The following HELQ variants were observed in gnomAD, a reference collection of about 807,000 sequenced individuals.
HELQ encodes helicase POLQ-like.
HELQ carries 77 observed loss-of-function variants against 111.6 expected under a neutral mutation model. The ratio of observed to expected loss-of-function variants is 0.69; its 90% confidence interval spans 0.57 to 0.83. The LOEUF is 0.83. HELQ is among the 40% of genes least tolerant of loss of function. The probability of loss-of-function intolerance (pLI) is 0.00; values close to 1 mark genes in which losing one functional copy is unlikely to be tolerated. For synonymous variants in HELQ, 438 were observed against 454.7 expected (o/e 0.96, Z 0.47); for missense variants, 1,200 against 1,288.5 (o/e 0.93, Z 1.05).
intron 11 of HELQ, among the ~76,000 whole-genome samples, chr4:83,430,485 A>G (rs1386046624): frequency 6.6e-6 from 1 of 152,216 alleles, no homozygotes; most frequent in Non-Finnish European, 1.5e-5. Flanking sequence ...ATCATAAGGA[A>G]TACTTAACCC....
Position 83,455,566 on chromosome 4 carries a change from T to G in HELQ, c.128A>C (p.Glu43Ala). Residue 43 changes from glutamate to alanine, a missense_variant, in exon 1 of 18, where the codon GAG (glutamate) becomes GCG (alanine). By Grantham distance (107) the Glu-to-Ala change is moderately radical (BLOSUM62 -1). Transcript: ENST00000295488. The stretch of plus-strand genomic sequence containing the variant: ...CCTGTTCTCAGCCACCATTTCCTCC[T>G]CCTCTTTCCCCTCATCTCCGGGCAC... ...ELVPGDEGKE[E>A]EEMVAENRRR... 6.2e-7 allele frequency: 1 copy of G among 1,614,136 alleles called. No homozygotes were observed. The highest frequency in any genetic ancestry group is 1.6e-4 in the Middle Eastern group (1 of 6,062).
chr4:83,448,220 A>C (rs1721157431), intron 3 of HELQ, among the ~76,000 whole-genome samples: 2 of 151,996 alleles, frequency 1.3e-5, no homozygotes, highest in Admixed American at 6.6e-5. Flanking sequence ...AAAAAAGAAA[A>C]AGCAGGGTAA....
At chr4:83,452,522 C>T (rs941587740) in intron 2 of HELQ, among the ~76,000 whole-genome samples, 2 of 152,146 alleles carry the variant, frequency 1.3e-5, no homozygotes, top group East Asian at 1.9e-4. Context: ...AACAGTATTA[C>T]TAATAACTGA....
chr4:83,439,969 C>T lies in HELQ; in HGVS notation c.1702G>A (p.Val568Ile). 1 of 1,612,138 alleles carries T rather than the reference C, an allele frequency of 6.2e-7. No homozygotes were observed. The highest frequency in any genetic ancestry group is 2.2e-5 in the East Asian group (1 of 44,734). ...GGAATAACTTCTGTCACCAATGCTA[C>T]CAAGTGATCAGGATCCATCTTTTTT... ...TLKKMDPDHL[V>I]ALVTEVIPNY... The change falls in exon 8 of 18, where the codon GTA becomes ATA. Residue 568 changes from valine (V) to isoleucine (I), a missense_variant. Physicochemically the swap from Val to Ile is conservative, Grantham distance 29 (BLOSUM62 3). Coordinates refer to ENST00000295488, the MANE Select transcript of HELQ (RefSeq NM_133636.5).
At chr4:83,416,072 G>A (rs7665780) in intron 17 of HELQ, among the ~76,000 whole-genome samples, 11,520 of 150,876 alleles carry the variant, frequency 0.076, 1,484 homozygotes, top group African/African-American at 0.27. Flanking sequence ...TCAGCCTCCC[G>A]AGTAGCTGGG....
rs553468171 is a variant in HELQ at position 83,420,038 on chromosome 4, T to C, written c.2949+1525A>G. 5.8e-4 allele frequency among the ~76,000 whole-genome samples: 89 copies of C among 152,272 alleles called. 2 individuals are homozygous for C. The highest frequency in any genetic ancestry group is 2.1e-3 in the African/African-American group (89 of 41,582). On this transcript the variant is annotated intron_variant, in intron 15 of 17. Coordinates refer to ENST00000295488, the MANE Select transcript of HELQ (RefSeq NM_133636.5). ...GGGAAAAAAGTTTTAGAAAATTGAC[T>C]TGGAAACAAATATGGAAAGGATTAT...
intron 1 of HELQ, among the ~76,000 whole-genome samples, chr4:83,454,673 C>T (rs1036354963): frequency 6.6e-6 from 1 of 151,918 alleles, no homozygotes; most frequent in Admixed American, 6.6e-5. Context: ...GTGATCCTCC[C>T]ATCTCTGCCT....
chr4:83,453,586 T>C lies in HELQ; in HGVS notation c.657A>G (p.Lys219=), dbSNP rs2110018217. The stretch of plus-strand genomic sequence containing the variant: ...GAGAGGATGACTTCCAATCCCTTTC[T>C]TTCATAGAATGATCACCCAAATCAT... ...SSNDLGDHSM[K]ERDWKSSSHN... The change falls in exon 2 of 18, where the codon AAA becomes AAG. Residue 219 remains lysine, a synonymous_variant. Transcript: ENST00000295488. 1.2e-6 allele frequency: 2 copies of C among 1,612,734 alleles called. No individual in the cohort carries two copies. Among genetic ancestry groups the C allele is most frequent in the East Asian group, 4.5e-5 (2 of 44,826 alleles).
In HELQ at chr4:83,453,358, T is replaced by C. The variant is rs1360312453; in HGVS notation, c.885A>G (p.Leu295=). Residue 295 remains leucine, a synonymous_variant, in exon 2 of 18, where the codon CTA becomes CTG. Coordinates refer to ENST00000295488, the MANE Select transcript of HELQ (RefSeq NM_133636.5). Reference sequence around the variant, plus strand: ...TCTTAGCAACATTAATTTCCTCAGATAGGAGAGTGTCTTTGAGCTGTTTAC... The same window carrying C: ...TCTTAGCAACATTAATTTCCTCAGACAGGAGAGTGTCTTTGAGCTGTTTAC... ...SRSKQLKDTL[L]SEEINVAKKT... 2.5e-6 allele frequency: 4 copies of C among 1,612,748 alleles called. No individual in the cohort carries two copies. Among genetic ancestry groups the C allele is most frequent in the South Asian group, 2.2e-5 (2 of 90,596 alleles).
At chr4:83,423,910 C>G (rs2109976909) in intron 14 of HELQ, among the ~76,000 whole-genome samples, 1 of 150,972 alleles carries the variant, frequency 6.6e-6, no homozygotes, top group Admixed American at 6.6e-5. Context: ...AAGAGCGAGA[C>G]TCTGTATCAA....
At chr4:83,431,993 C>A in intron 10 of HELQ, 133 bp downstream of exon 10, 1 of 547,346 alleles carries the variant, frequency 1.8e-6, no homozygotes, top group Admixed American at 4.0e-5. Context: ...CACTCTAATT[C>A]TTAATCATAT....
At chr4:83,451,385 G>A (rs562706305) in intron 2 of HELQ, among the ~76,000 whole-genome samples, 9 of 152,230 alleles carry the variant, frequency 5.9e-5, no homozygotes, top group African/African-American at 1.2e-4. Flanking sequence ...GAGTTAGGCC[G>A]GGCTCGGTGG....
chr4:83,426,152 C>G, intron 13 of HELQ, 60 bp from the exon 14 acceptor site: 1 of 837,894 alleles, frequency 1.2e-6, no homozygotes, highest in Non-Finnish European at 2.0e-6. Flanking sequence ...TGAACCAAAT[C>G]CAGTATTTCT....
chr4:83,453,241 T>C lies in HELQ; in HGVS notation c.1002A>G (p.Glu334=). ...RDLYAQFKGI[E]KLYEWQHTCL... ...AGCAAAAAGCATTACCATATAATTT[T>C]TCAATTCCCTTGAATTGGGCATAAA... The change falls in exon 2 of 18, where the codon GAA becomes GAG. Residue 334 remains glutamate, a synonymous_variant. Transcript: ENST00000295488. 1 of 1,596,788 alleles carries C rather than the reference T, an allele frequency of 6.3e-7. No individual in the cohort carries two copies. The highest frequency in any genetic ancestry group is 8.5e-7 in the Non-Finnish European group (1 of 1,174,060).
At chr4:83,446,780 T>A (rs908264113) in intron 4 of HELQ, 55 bp downstream of exon 4, 1 of 1,064,428 alleles carries the variant, frequency 9.4e-7, no homozygotes, top group Non-Finnish European at 1.4e-6. Context: ...ATAACCAGAA[T>A]AATAAATATT....
rs193077629 is a variant in HELQ at position 83,436,202 on chromosome 4, T to C, written c.2048+656A>G. On this transcript the variant is annotated intron_variant, in intron 9 of 17. Coordinates refer to ENST00000295488, the MANE Select transcript of HELQ (RefSeq NM_133636.5). The stretch of plus-strand genomic sequence containing the variant: ...GACTAACACACTTCTCTGAAATTGA[T>C]AGACCAAGGAATCAAATATAGTAAG... Among the ~76,000 whole-genome samples, 418 of 152,246 alleles carry C rather than the reference T, an allele frequency of 2.7e-3. 1 individual carries two copies. The highest frequency in any genetic ancestry group is 9.6e-3 in the African/African-American group (400 of 41,564).
In HELQ at chr4:83,426,024, C is replaced by T. The variant is rs770501322; in HGVS notation, c.2745G>A (p.Gly915=). 1.9e-6 allele frequency: 3 copies of T among 1,607,190 alleles called. No homozygotes were observed. The highest frequency in any genetic ancestry group is 2.2e-5 in the South Asian group (2 of 90,580). The change falls in exon 14 of 18, where the codon GGG becomes GGA. Residue 915 remains glycine, a synonymous_variant. Transcript: ENST00000295488. The part of the protein sequence containing the change: ...AILGVSESFI[G]KKASGQAIGK... ...CGATGGCTTGGCCTGATGCTTTCTT[C>T]CCAATAAAGCTTTCAGAGACTCCAA...
intron 8 of HELQ, among the ~76,000 whole-genome samples, chr4:83,438,630 T>C (rs1278312889): frequency 6.6e-6 from 1 of 150,858 alleles, no homozygotes; most frequent in Non-Finnish European, 1.5e-5. Flanking sequence ...TAGTCCCAGC[T>C]ACTTGGGAGG....
chr4:83,407,704 C>G, intron 17 of HELQ, 144 bp from the exon 18 acceptor site: 1 of 606,156 alleles, frequency 1.6e-6, no homozygotes, highest in Non-Finnish European at 2.9e-6. Context: ...AAAATGGCCA[C>G]TTAAGAATAA....
Sources: gnomAD v4.1 joint callset for allele counts (sites outside exome capture counted in the v4.1 genomes callset) on GRCh38, gnomAD v4.1.1 for gene constraint, MANE v1.5 for transcripts, NCBI Gene and HGNC (gene_info 2026-07-23, HGNC 2026-07-21) for gene names.